TRAT1: variants seen among roughly 807,000 people sequenced by gnomAD.
TRAT1 encodes T-cell receptor-associated transmembrane adapter 1.
A neutral mutation model predicts 20.0 loss-of-function variants in TRAT1; 20 were observed. That is an observed-to-expected ratio of 1.00 (90% CI 0.70 to 1.45). The LOEUF (loss-of-function observed/expected upper bound fraction) is 1.45. Among genes scored for constraint, TRAT1 ranks in the 40% most tolerant of loss-of-function variants. The pLI, the probability that TRAT1 is intolerant of heterozygous loss-of-function variation, is 0.00. For missense variants in TRAT1, 237 were observed against 224.1 expected, an observed-to-expected ratio of 1.06 and a Z score of -0.37; for synonymous variants, 77 against 74.2, an observed-to-expected ratio of 1.04 and a Z score of -0.20.
intron 5 of TRAT1, among the ~76,000 whole-genome samples, chr3:108,851,880 GTGTTGACCA>G (rs1946001254): frequency 6.2e-5 from 2 of 32,034 alleles, no homozygotes; most frequent in East Asian, 0.022. Flanking sequence ...AGTTGACCAA[GTGTTGACCA>G]CACATGCATT....
Position 108,853,794 on chromosome 3 carries a change from A to C in TRAT1, c.478A>C (p.Ser160Arg), listed in dbSNP as rs1344256792. The change falls in exon 6 of 6, where the codon AGC (serine) becomes CGC (arginine). Residue 160 changes from serine (S) to arginine (R), a missense_variant. Ser to Arg is a moderately radical substitution (Grantham distance 110). Coordinates refer to ENST00000295756, the MANE Select transcript of TRAT1 (RefSeq NM_016388.4). ...CTTAGTAGACAGTTTCTCCCCAGAA[A>C]GCCAGGCAGTAGAGGAAAACATTCA... is the stretch of plus-strand genomic sequence containing the variant. ...TTLVDSFSPE[S>R]QAVEENIHDD... 6.2e-7 allele frequency: 1 copy of C among 1,614,068 alleles called. No homozygotes were observed. The highest frequency in any genetic ancestry group is 8.5e-7 in the Non-Finnish European group (1 of 1,180,010).
chr3:108,838,909 C>A (rs1424321417), intron 2 of TRAT1, 25 bp from the exon 3 acceptor site: 1 of 1,578,332 alleles, frequency 6.3e-7, no homozygotes. Context: ...TTTCTTTTAA[C>A]TTGTCTATTT....
At chr3:108,831,360 C>T (rs1393645342) in intron 2 of TRAT1, among the ~76,000 whole-genome samples, 2 of 152,150 alleles carry the variant, frequency 1.3e-5, no homozygotes, top group African/African-American at 2.4e-5. Flanking sequence ...AACCATGTGG[C>T]TTTCAATCTG....
chr3:108,847,746 C>A (rs1290400091), intron 4 of TRAT1, among the ~76,000 whole-genome samples: 3 of 152,146 alleles, frequency 2.0e-5, no homozygotes, highest in African/African-American at 4.8e-5. Context: ...TAACCTTGGT[C>A]TGATTCTAGA....
intron 4 of TRAT1, among the ~76,000 whole-genome samples, chr3:108,847,898 A>G (rs1293126648): frequency 6.6e-6 from 1 of 152,180 alleles, no homozygotes; most frequent in African/African-American, 2.4e-5. Flanking sequence ...CTAAAAATCT[A>G]TATATTAAAA....
At chr3:108,840,334 C>G (rs1945883016) in intron 3 of TRAT1, among the ~76,000 whole-genome samples, 1 of 152,040 alleles carries the variant, frequency 6.6e-6, no homozygotes, top group Non-Finnish European at 1.5e-5. Context: ...TATAATCACA[C>G]AGTAAGAGCT....
chr3:108,824,397 A>T (rs1156975143), intron 1 of TRAT1, among the ~76,000 whole-genome samples: 2 of 152,182 alleles, frequency 1.3e-5, no homozygotes, highest in Admixed American at 1.3e-4. Context: ...TCCTTTAAAA[A>T]ATCGTCACTA....
intron 4 of TRAT1, 48 bp downstream of exon 4, chr3:108,847,177 T>C: frequency 1.7e-6 from 2 of 1,162,882 alleles, no homozygotes; most frequent in South Asian, 2.7e-5. Flanking sequence ...TCCCAGTTGG[T>C]TTCACAAAAT....
chr3:108,841,165 G>A (rs1945893866), intron 3 of TRAT1, among the ~76,000 whole-genome samples: 1 of 152,180 alleles, frequency 6.6e-6, no homozygotes, highest in African/African-American at 2.4e-5. Flanking sequence ...CCAGAGAACT[G>A]TCCTGCAACA....
chr3:108,847,243 C>A (rs1049774532), intron 4 of TRAT1, 114 bp downstream of exon 4: 6 of 605,896 alleles, frequency 9.9e-6, no homozygotes, highest in Non-Finnish European at 1.4e-5. Context: ...CAGTGATAAC[C>A]ATCAATTCAA....
rs560269456 is a variant in TRAT1 at position 108,844,691 on chromosome 3, A to C, written c.153-2377A>C. On this transcript the variant is annotated intron_variant, in intron 3 of 5. Transcript: ENST00000295756. Reference sequence around the variant, plus strand: ...AACCCCGTCTCTACTAAAAATACAAAAAATTAGCTGGGTGTGGTGGCGGGC... The same window carrying C: ...AACCCCGTCTCTACTAAAAATACAACAAATTAGCTGGGTGTGGTGGCGGGC... 1.8e-3 allele frequency among the ~76,000 whole-genome samples: 280 copies of C among 151,454 alleles called. 2 individuals are homozygous for C. Among genetic ancestry groups the C allele is most frequent in the African/African-American group, 6.5e-3 (270 of 41,388 alleles).
intron 3 of TRAT1, among the ~76,000 whole-genome samples, chr3:108,840,232 T>A (rs1017302101): frequency 6.6e-6 from 1 of 152,212 alleles, no homozygotes; most frequent in African/African-American, 2.4e-5. Flanking sequence ...TATTTAACAT[T>A]AGATACTTTT....
chr3:108,853,545 A>T lies in TRAT1; in HGVS notation c.304-75A>T, dbSNP rs1056615888. On this transcript the variant is annotated intron_variant, in intron 5 of 5. Coordinates refer to ENST00000295756, the MANE Select transcript of TRAT1 (RefSeq NM_016388.4). ...CTAGAAAACAAGTTACTTGGTTTTC[A>T]TACGCCACAGAAATTTCCAGAAGTC... 19 of 1,526,030 alleles carry T rather than the reference A, an allele frequency of 1.2e-5. 1 individual carries two copies. Among genetic ancestry groups the T allele is most frequent in the Non-Finnish European group, 1.7e-5 (19 of 1,133,414 alleles). 94.5% of individuals were successfully genotyped at this position (1,526,030 alleles called of 1,614,324 possible). A position where few individuals can be genotyped will look rare whatever the true frequency, so the allele number is the denominator to read the frequency against.
At chr3:108,827,384 A>G (rs7643002) in intron 1 of TRAT1, among the ~76,000 whole-genome samples, 3,523 of 145,228 alleles carry the variant, frequency 0.024, 164 homozygotes, top group African/African-American at 0.083. Context: ...GTATGTGTGT[A>G]TGTGTGTGTG....
chr3:108,827,141 A>G (rs1228168366), intron 1 of TRAT1, among the ~76,000 whole-genome samples: 1 of 152,168 alleles, frequency 6.6e-6, no homozygotes, highest in Non-Finnish European at 1.5e-5. Flanking sequence ...CAGTGTAAAT[A>G]GCTGAATTCA....
At chr3:108,832,695 C>T (rs1469113024) in intron 2 of TRAT1, among the ~76,000 whole-genome samples, 1 of 152,186 alleles carries the variant, frequency 6.6e-6, no homozygotes, top group African/African-American at 2.4e-5. Context: ...ATTGATTCCA[C>T]TGATAATCCT....
At chr3:108,826,599 A>C (rs1182021178) in intron 1 of TRAT1, among the ~76,000 whole-genome samples, 1 of 152,154 alleles carries the variant, frequency 6.6e-6, no homozygotes, top group Non-Finnish European at 1.5e-5. Flanking sequence ...AACCACCACC[A>C]TGGTAAGAAA....
chr3:108,822,914 T>A lies in TRAT1; in HGVS notation c.-14T>A, dbSNP rs9879812. 1 of 1,607,880 alleles carries A rather than the reference T, an allele frequency of 6.2e-7. No individual in the cohort carries two copies. Among genetic ancestry groups the A allele is most frequent in the Admixed American group, 1.7e-5 (1 of 59,720 alleles). On this transcript the variant is annotated 5_prime_UTR_variant, in exon 1 of 6. Transcript: ENST00000295756. ...TCTTATGGCTAGATAAAGATTTCTC[T>A]GAAAAAAAGAAGCATGTCAGGTAAG...
At chr3:108,839,102 T>G in intron 3 of TRAT1, 135 bp downstream of exon 3, 1 of 688,358 alleles carries the variant, frequency 1.5e-6, no homozygotes, top group South Asian at 1.8e-5. Flanking sequence ...TTAATTACTT[T>G]TACTCTCATC....
Sources: gnomAD v4.1 joint callset for allele counts (sites outside exome capture counted in the v4.1 genomes callset) on GRCh38, gnomAD v4.1.1 for gene constraint, MANE v1.5 for transcripts, NCBI Gene and HGNC (gene_info 2026-07-23, HGNC 2026-07-21) for gene names.